MATK: variants seen among roughly 807,000 people sequenced by gnomAD.
MATK encodes megakaryocyte-associated tyrosine-protein kinase.
MATK carries 41 observed loss-of-function variants against 59.8 expected under a neutral mutation model. The ratio of observed to expected loss-of-function variants is 0.69; its 90% CI spans 0.53 to 0.89. MATK has a LOEUF of 0.89. Among genes scored for constraint, MATK ranks in the 40% least tolerant of loss-of-function variants. The pLI is 0.00. For synonymous variants in MATK, 308 were observed against 306.1 expected (o/e 1.01, Z -0.06); for missense variants, 593 against 719.6 (o/e 0.82, Z 2.01).
rs1229244648 is a variant in MATK at position 3,784,225 on chromosome 19, G to T, written c.261C>A (p.Tyr87Ter). 6.2e-7 allele frequency: 1 copy of T among 1,612,714 alleles called. No individual in the cohort carries two copies. The highest frequency in any genetic ancestry group is 1.1e-5 in the South Asian group (1 of 91,042). ...ILEACENKSW[Y>*]RVKHHTSGQE... ...GTCCACTGGTGTGGTGCTTGACGCGGTACCAGCTCTTGTTCTGCCAGGGAG... is the reference window on the plus strand; with the variant it reads ...GTCCACTGGTGTGGTGCTTGACGCGTTACCAGCTCTTGTTCTGCCAGGGAG... Residue 87 changes from tyrosine (Y) to a stop codon, truncating the protein, a stop_gained, in exon 5 of 14, where the codon TAC (tyrosine) becomes TAA (stop). Transcript: ENST00000310132. LOFTEE classifies it high-confidence loss of function.
intron 8 of MATK, among the ~76,000 whole-genome samples, chr19:3,780,431 ATTAATTAT>A (rs1162451537): frequency 6.7e-6 from 1 of 149,540 alleles, no homozygotes; most frequent in Non-Finnish European, 1.5e-5. Flanking sequence ...TTTTTAATTA[ATTAATTAT>A]TTATTTGAGA....
In MATK at chr19:3,778,032, C is replaced by T; in HGVS notation, c.*151G>A. On this transcript the variant is annotated 3_prime_UTR_variant, in exon 14 of 14. Coordinates refer to ENST00000310132, the MANE Select transcript of MATK (RefSeq NM_139355.3). Reference sequence around the variant, plus strand: ...TTCGCAGGTCTGGGGTGTCCACGGGCCGCCCAGAGCCCCCTACGTGGGCCA... The same window carrying T: ...TTCGCAGGTCTGGGGTGTCCACGGGTCGCCCAGAGCCCCCTACGTGGGCCA... The T allele has an allele frequency of 8.8e-7, 1 of 1,137,252 alleles. No homozygotes were observed. The highest frequency in any genetic ancestry group is 1.2e-6 in the Non-Finnish European group (1 of 835,284). The allele number at this position is 1,137,252 out of a possible 1,614,324, so 70.4% of individuals were successfully genotyped here.
At chr19:3,792,250 C>T (rs916371796) in intron 1 of MATK, among the ~76,000 whole-genome samples, 1 of 152,096 alleles carries the variant, frequency 6.6e-6, no homozygotes, top group Non-Finnish European at 1.5e-5. Flanking sequence ...TAAGGCAGGG[C>T]ACGATTCTTA....
At chr19:3,799,159 C>G (rs2037621643) in intron 1 of MATK, among the ~76,000 whole-genome samples, 1 of 152,162 alleles carries the variant, frequency 6.6e-6, no homozygotes, top group South Asian at 2.1e-4. Flanking sequence ...GCCTGGGTCC[C>G]TGTGCCTGAA....
At chr19:3,789,205 G>T (rs2037517495), upstream of MATK, 1 of 721,828 alleles carries the variant, frequency 1.4e-6, no homozygotes, top group South Asian at 1.5e-5. Flanking sequence ...ACCATCACTT[G>T]CCTGAACTAG....
chr19:3,791,795 A>G (rs1182509110), intron 1 of MATK, among the ~76,000 whole-genome samples: 1 of 152,102 alleles, frequency 6.6e-6, no homozygotes, highest in Non-Finnish European at 1.5e-5. Context: ...CACTGAGACC[A>G]GTCTTCTCAT....
intron 1 of MATK, 147 bp from the exon 2 acceptor site, chr19:3,785,433 C>T: frequency 9.9e-6 from 4 of 403,896 alleles, no homozygotes; most frequent in South Asian, 9.6e-5. Context: ...CCTCTCTGAT[C>T]CCCCCCCAAA....
intron 1 of MATK, among the ~76,000 whole-genome samples, chr19:3,791,654 C>T (rs2037543023): frequency 6.6e-6 from 1 of 151,978 alleles, no homozygotes; most frequent in Admixed American, 6.6e-5. Flanking sequence ...CCACCTCCTC[C>T]CCTTCTTGAG....
intron 1 of MATK, among the ~76,000 whole-genome samples, chr19:3,796,215 C>A (rs888662070): frequency 1.3e-5 from 2 of 152,106 alleles, no homozygotes; most frequent in Non-Finnish European, 2.9e-5. Flanking sequence ...GTATGAATAG[C>A]AGCTGATATT....
At position 3,783,111 on chromosome 19, in the gene MATK, C is replaced by T; in HGVS notation, c.676+15G>A. 11 of 1,613,112 alleles carry T rather than the reference C, an allele frequency of 6.8e-6. No homozygotes were observed. The highest frequency in any genetic ancestry group is 8.5e-6 in the Non-Finnish European group (10 of 1,179,582). On this transcript the variant is annotated intron_variant, in intron 7 of 13. Coordinates refer to ENST00000310132, the MANE Select transcript of MATK (RefSeq NM_139355.3). ...TGGGTAGGGAAGGGGGTCTGCCCTCCTGGGCGTCCCCTACCCCTGGCCAGC... is the reference window on the plus strand; with the variant it reads ...TGGGTAGGGAAGGGGGTCTGCCCTCTTGGGCGTCCCCTACCCCTGGCCAGC...
At chr19:3,780,470 C>T (rs2037384599) in intron 8 of MATK, among the ~76,000 whole-genome samples, 1 of 151,840 alleles carries the variant, frequency 6.6e-6, no homozygotes, top group African/African-American at 2.4e-5. Context: ...CTCTGTCGCC[C>T]AGGCTGGAGT....
chr19:3,788,739 A>C (rs2037513939), upstream of MATK, among the ~76,000 whole-genome samples: 1 of 150,412 alleles, frequency 6.6e-6, no homozygotes, highest in Non-Finnish European at 1.5e-5. Context: ...GGGATTCCAG[A>C]TATGAGCCAC....
chr19:3,779,499 C>T (rs376555907), intron 10 of MATK, 34 bp downstream of exon 10: 20 of 1,610,016 alleles, frequency 1.2e-5, no homozygotes, highest in South Asian at 4.4e-5. Flanking sequence ...TGCTCCGCTG[C>T]GTGGGCCCCC....
upstream of MATK, among the ~76,000 whole-genome samples, chr19:3,790,961 C>A (rs980679823): frequency 6.6e-6 from 1 of 152,082 alleles, no homozygotes; most frequent in East Asian, 1.9e-4. Context: ...GGAAACAGAG[C>A]CAAGAAGCAG....
At chr19:3,792,657 G>C (rs960608235) in intron 1 of MATK, among the ~76,000 whole-genome samples, 1 of 151,906 alleles carries the variant, frequency 6.6e-6, no homozygotes, top group Non-Finnish European at 1.5e-5. Context: ...GGTATTACAG[G>C]TACCTGCCAG....
At chr19:3,781,699 G>T (rs780932610) in intron 7 of MATK, 27 bp from the exon 8 acceptor site, 27 of 1,594,248 alleles carry the variant, frequency 1.7e-5, no homozygotes, top group Non-Finnish European at 2.3e-5. Context: ...CAGTCAGAGG[G>T]GTAATGGGCC....
chr19:3,779,119 T>C lies in MATK; in HGVS notation c.1070A>G (p.Asn357Ser). The change falls in exon 12 of 14, where the codon AAC becomes AGC. Residue 357 changes from asparagine to serine, a missense_variant. Asn to Ser is a conservative substitution (Grantham distance 46, BLOSUM62 1). Coordinates refer to ENST00000310132, the MANE Select transcript of MATK (RefSeq NM_139355.3). The part of the protein sequence containing the change: ...KLVHRDLAAR[N>S]ILVSEDLVAK... ...CACCAGGTCCTCTGAGACCAGGATG[T>C]TGCGGGCGGCCAGGTCGCGGTGCAC... 1 of 1,610,226 alleles carries C rather than the reference T, an allele frequency of 6.2e-7. No individual in the cohort carries two copies. The highest frequency in any genetic ancestry group is 8.5e-7 in the Non-Finnish European group (1 of 1,179,248).
At chr19:3,798,791 C>T (rs141992744) in intron 1 of MATK, among the ~76,000 whole-genome samples, 126 of 151,740 alleles carry the variant, frequency 8.3e-4, no homozygotes, top group African/African-American at 2.9e-3. Context: ...GGATTACAGG[C>T]GTGAGCCACC....
intron 1 of MATK, among the ~76,000 whole-genome samples, chr19:3,794,798 C>G (rs1320175591): frequency 6.6e-6 from 1 of 152,142 alleles, no homozygotes; most frequent in Non-Finnish European, 1.5e-5. Context: ...TGCTCTAACT[C>G]AGGGCCCAGC....
Sources: gnomAD v4.1 joint callset for allele counts (sites outside exome capture counted in the v4.1 genomes callset) on GRCh38, gnomAD v4.1.1 for gene constraint, MANE v1.5 for transcripts, NCBI Gene and HGNC (gene_info 2026-07-23, HGNC 2026-07-21) for gene names.